The following HDAC4 variants were observed in gnomAD, a reference collection of about 807,000 sequenced individuals.
HDAC4 encodes histone deacetylase 4, also known as histone deacetylase A.
A neutral mutation model predicts 135.1 loss-of-function variants in HDAC4; 16 were observed. The observed-to-expected ratio is 0.12, with a 90% CI of 0.08 to 0.18. The LOEUF is 0.18. Among genes scored for constraint, HDAC4 ranks in the 10% least tolerant of loss-of-function variants. HDAC4 has a pLI of 1.00. For synonymous variants in HDAC4, 685 were observed against 653.4 expected (o/e 1.05, Z -0.74); for missense variants, 1,143 against 1,511.8 (o/e 0.76, Z 4.05).
rs1320850010 is a variant in HDAC4, at chr2:239,400,559, C to T, written c.-220+419G>A. ...CGCGGCCAGCGCTGGCCCCCGCCTC[C>T]CACGGCCGCGCGCGGGGCGGGTGTG... is the stretch of plus-strand genomic sequence containing the variant. On this transcript the variant is annotated intron_variant, in intron 1 of 26. Coordinates refer to ENST00000543185, the MANE Select transcript of HDAC4 (RefSeq NM_001378414.1). This position sits in a 1 kb window ranked among gnomAD's most constrained non-coding sequence, Gnocchi z 4.7. The T allele has an allele frequency of 2.1e-5, 3 of 145,744 alleles. No individual in the cohort carries two copies. The highest frequency in any genetic ancestry group is 7.4e-5 in the African/African-American group (3 of 40,700). 9.0% of individuals were successfully genotyped at this position (145,744 alleles called of 1,614,324 possible). A position where few individuals can be genotyped will look rare whatever the true frequency, so the allele number is the denominator to read the frequency against.
At chr2:239,218,050 C>A (rs951010123) in intron 3 of HDAC4, among the ~76,000 whole-genome samples, 1 of 152,146 alleles carries the variant, frequency 6.6e-6, no homozygotes, top group Non-Finnish European at 1.5e-5. Flanking sequence ...CATGATCATG[C>A]CACTGTACTC....
intron 14 of HDAC4, among the ~76,000 whole-genome samples, chr2:239,110,838 G>A (rs1380363650): frequency 2.0e-5 from 3 of 152,224 alleles, no homozygotes; most frequent in African/African-American, 4.8e-5. Flanking sequence ...GCTGGGTGGC[G>A]GGGCGGCCCA....
intron 7 of HDAC4, chr2:239,155,722 G>A (rs1311143566): frequency 6.6e-6 from 1 of 152,286 alleles, no homozygotes; most frequent in African/African-American, 2.4e-5. Flanking sequence ...GGATAACAGA[G>A]AATTTGTTTA....
chr2:239,246,914 C>T (rs1011192197), intron 2 of HDAC4, among the ~76,000 whole-genome samples: 1 of 152,244 alleles, frequency 6.6e-6, no homozygotes, highest in Non-Finnish European at 1.5e-5. Flanking sequence ...TGCTGTACAG[C>T]GCTGGGAGCG....
At chr2:239,198,917 G>A (rs945687638) in intron 3 of HDAC4, among the ~76,000 whole-genome samples, 1 of 152,140 alleles carries the variant, frequency 6.6e-6, no homozygotes, top group Non-Finnish European at 1.5e-5. Context: ...TCGTCACTGC[G>A]AAGACTTCCA....
chr2:239,323,118 G>A (rs1202856730), intron 2 of HDAC4, among the ~76,000 whole-genome samples: 5 of 152,302 alleles, frequency 3.3e-5, no homozygotes, highest in East Asian at 1.9e-4. Context: ...AACAATGCTC[G>A]CTGAGGTGTT....
chr2:239,235,699 G>C (rs1201396321), intron 3 of HDAC4, among the ~76,000 whole-genome samples: 1 of 152,188 alleles, frequency 6.6e-6, no homozygotes, highest in African/African-American at 2.4e-5. Flanking sequence ...AAAGAAAAGG[G>C]GGAAAAAGTC....
At chr2:239,084,056 C>T (rs2035619923) in intron 20 of HDAC4, 99 bp downstream of exon 20, 3 of 834,200 alleles carry the variant, frequency 3.6e-6, no homozygotes, top group Non-Finnish European at 6.1e-6. Flanking sequence ...CTAAGCTTCC[C>T]ACATCCAAGA....
intron 1 of HDAC4, among the ~76,000 whole-genome samples, chr2:239,392,687 C>T (rs903239723): frequency 5.3e-5 from 8 of 152,198 alleles, no homozygotes; most frequent in South Asian, 2.1e-4. Flanking sequence ...TTACGGGGCT[C>T]GGACATGAGT....
At chr2:239,131,145 C>T (rs1380772890) in intron 11 of HDAC4, among the ~76,000 whole-genome samples, 1 of 152,252 alleles carries the variant, frequency 6.6e-6, no homozygotes, top group African/African-American at 2.4e-5. Context: ...CAGCCTGTGA[C>T]TGGCGAGGAA....
Position 239,144,591 on chromosome 2 carries a change from T to C in HDAC4, c.857A>G (p.Asp286Gly). Residue 286 changes from aspartate (D) to glycine (G), a missense_variant, in exon 8 of 27, where the codon GAT becomes GGT. Transcript: ENST00000543185. ...VVTALKKRPL[D>G]VTDSACSSAP... ...CTGCTCAGCCGACATACCTGTGACA[T>C]CCAACGGACGCTTTTTTAGAGCAGT... 1 of 1,613,938 alleles carries C rather than the reference T, an allele frequency of 6.2e-7. No homozygotes were observed. Among genetic ancestry groups the C allele is most frequent in the Non-Finnish European group, 8.5e-7 (1 of 1,180,034 alleles).
At chr2:239,140,902 G>T (rs1374329764) in intron 8 of HDAC4, 1 of 458,278 alleles carries the variant, frequency 2.2e-6, no homozygotes, top group Non-Finnish European at 4.5e-6. Context: ...TGCTGGAGGT[G>T]GTGACTCTGC....
Position 239,345,891 on chromosome 2 carries a change from A to AAC in HDAC4, c.22+6785_22+6786dup, listed in dbSNP as rs373645538. 9.4e-3 allele frequency among the ~76,000 whole-genome samples: 1,262 copies of AAC among 134,244 alleles called. 27 individuals carry two copies. Among genetic ancestry groups the AAC allele is most frequent in the African/African-American group, 0.033 (1,165 of 35,636 alleles). The allele number at this position is 134,244 out of a possible 152,430, so 88.1% of individuals were successfully genotyped here. ...CCTAACACACATACACACCGTCTAAAACACACACACACCCCCATCTCACAC... is the reference window on the plus strand; with the variant it reads ...CCTAACACACATACACACCGTCTAAAACACACACACACACCCCCATCTCACAC... On this transcript the variant is annotated intron_variant, in intron 2 of 26. Coordinates refer to ENST00000543185, the MANE Select transcript of HDAC4 (RefSeq NM_001378414.1).
At chr2:239,293,469 G>C (rs886634077) in intron 2 of HDAC4, among the ~76,000 whole-genome samples, 4 of 152,324 alleles carry the variant, frequency 2.6e-5, no homozygotes, top group African/African-American at 9.6e-5. Context: ...TACCCCAGCA[G>C]GGGCGGAACA....
At position 239,052,999 on chromosome 2, in the gene HDAC4, A is replaced by G. The variant is rs939405589; in HGVS notation, c.*98T>C. ...TGGGTGTCCCTGGGTGCTCCAAGAG[A>G]GCCCCACGGTGGGACGCAGGCGTGA... is the stretch of plus-strand genomic sequence containing the variant. On this transcript the variant is annotated 3_prime_UTR_variant, in exon 27 of 27. Transcript: ENST00000543185. 96 of 1,431,344 alleles carry G rather than the reference A, an allele frequency of 6.7e-5. No individual in the cohort carries two copies. Among genetic ancestry groups the G allele is most frequent in the Non-Finnish European group, 9.3e-5 (94 of 1,013,696 alleles). 88.7% of individuals were successfully genotyped at this position (1,431,344 alleles called of 1,614,324 possible).
intron 22 of HDAC4, among the ~76,000 whole-genome samples, chr2:239,075,172 C>T (rs1014987090): frequency 1.3e-4 from 18 of 137,868 alleles, no homozygotes; most frequent in East Asian, 4.5e-4. Context: ...TGCAGTGAGC[C>T]GAGATCGCGC....
chr2:239,190,175 G>C (rs1014614651), intron 3 of HDAC4, 98 bp from the exon 4 acceptor site: 48 of 393,142 alleles, frequency 1.2e-4, no homozygotes, highest in African/African-American at 2.7e-4. Context: ...TTCACGGGGC[G>C]GGGGGGGGGT....
At chr2:239,362,550 C>T (rs1482350061) in intron 1 of HDAC4, among the ~76,000 whole-genome samples, 1 of 152,326 alleles carries the variant, frequency 6.6e-6, no homozygotes. Context: ...ACCCTCCCCA[C>T]CCCATTTCAC....
chr2:239,280,911 T>A (rs1292271009), intron 2 of HDAC4, among the ~76,000 whole-genome samples: 1 of 140,336 alleles, frequency 7.1e-6, no homozygotes, highest in East Asian at 2.2e-4. Flanking sequence ...CACTCTACAA[T>A]GTACACACCA....
Sources: gnomAD v4.1 joint callset for allele counts (sites outside exome capture counted in the v4.1 genomes callset) on GRCh38, gnomAD v4.1.1 for gene constraint, Gnocchi (gnomAD v3.1) non-coding constraint, MANE v1.5 for transcripts, NCBI Gene and HGNC (gene_info 2026-07-23, HGNC 2026-07-21) for gene names.